The following SLC38A8 variants were observed in gnomAD, a reference collection of about 807,000 sequenced individuals.
The protein encoded by SLC38A8 is solute carrier family 38 member 8, also known as amino acid transporter SLC38A8.
SLC38A8 carries 65 observed loss-of-function variants against 46.0 expected under a neutral mutation model. That is an observed-to-expected ratio of 1.41 (90% CI 1.16 to 1.74). The LOEUF is 1.74. SLC38A8 is among the 40% of genes most tolerant of loss of function. SLC38A8 has a pLI of 0.00. For missense variants in SLC38A8, 998 were observed against 567.9 expected, an observed-to-expected ratio of 1.76 and a Z score of -7.70; for synonymous variants, 447 against 243.7, an observed-to-expected ratio of 1.83 and a Z score of -7.77.
chr16:84,010,828 G>A (rs546462759), intron 10 of SLC38A8, among the ~76,000 whole-genome samples: 31 of 152,242 alleles, frequency 2.0e-4, no homozygotes, highest in African/African-American at 7.5e-4. Flanking sequence ...AGCCTCTGAT[G>A]AAATCCCATG....
At chr16:84,029,783 C>A (rs2085216398) in intron 5 of SLC38A8, among the ~76,000 whole-genome samples, 1 of 152,186 alleles carries the variant, frequency 6.6e-6, no homozygotes, top group South Asian at 2.1e-4. Context: ...TGACATTTTA[C>A]ATGTGGGCAG....
intron 10 of SLC38A8, among the ~76,000 whole-genome samples, chr16:84,010,758 A>T (rs903112709): frequency 6.6e-6 from 1 of 152,164 alleles, no homozygotes; most frequent in Non-Finnish European, 1.5e-5. Flanking sequence ...AGAGAAAAAG[A>T]CATGGAGAGA....
At chr16:84,033,534 TG>T in intron 3 of SLC38A8, 65 bp from the exon 4 acceptor site, 45 of 1,504,402 alleles carry the variant, frequency 3.0e-5, no homozygotes, top group Non-Finnish European at 3.8e-5. Flanking sequence ...GGCTCCCACC[TG>T]GCCCTTCAAC....
chr16:84,012,321 G>C (rs558481646), intron 10 of SLC38A8, among the ~76,000 whole-genome samples: 5 of 152,196 alleles, frequency 3.3e-5, no homozygotes, highest in African/African-American at 9.7e-5. Context: ...CTGCTCAGTG[G>C]CAAAGTACAG....
At chr16:84,017,857 A>T (rs1479665763) in intron 7 of SLC38A8, among the ~76,000 whole-genome samples, 1 of 152,128 alleles carries the variant, frequency 6.6e-6, no homozygotes, top group Admixed American at 6.6e-5. Context: ...GCTTCTCTGC[A>T]AGCCCTTTCT....
chr16:84,034,095 C>A (rs990424585), intron 3 of SLC38A8, among the ~76,000 whole-genome samples: 1 of 152,182 alleles, frequency 6.6e-6, no homozygotes, highest in African/African-American at 2.4e-5. Flanking sequence ...CCCCACAACA[C>A]CTACTGCCTG....
At chr16:84,015,354 G>C (rs930217772) in intron 9 of SLC38A8, among the ~76,000 whole-genome samples, 1 of 152,054 alleles carries the variant, frequency 6.6e-6, no homozygotes, top group Non-Finnish European at 1.5e-5. Flanking sequence ...GTTTGGGAAG[G>C]TTTCCTAAGA....
At chr16:84,013,521 C>T (rs1006757405) in intron 9 of SLC38A8, among the ~76,000 whole-genome samples, 1 of 147,812 alleles carries the variant, frequency 6.8e-6, no homozygotes, top group Non-Finnish European at 1.5e-5. Flanking sequence ...ACCTCCACCT[C>T]CCGGGTTCAA....
At chr16:84,013,390 G>A (rs779844982) in intron 9 of SLC38A8, among the ~76,000 whole-genome samples, 25 of 150,544 alleles carry the variant, frequency 1.7e-4, no homozygotes, top group Non-Finnish European at 2.2e-4. Flanking sequence ...CTCGGCAACT[G>A]GCAGCTACCA....
At chr16:84,012,764 C>T (rs564832832) in intron 10 of SLC38A8, among the ~76,000 whole-genome samples, 15 of 152,318 alleles carry the variant, frequency 9.8e-5, no homozygotes, top group African/African-American at 3.6e-4. Flanking sequence ...AAATCCCAAC[C>T]ACAGACCCTC....
chr16:84,024,528 C>A (rs890532361), intron 6 of SLC38A8, among the ~76,000 whole-genome samples: 3 of 151,694 alleles, frequency 2.0e-5, no homozygotes, highest in Non-Finnish European at 4.4e-5. Flanking sequence ...CGCCTGTAAT[C>A]CCAGCACTTT....
At chr16:84,035,976 T>G (rs1029670110) in intron 3 of SLC38A8, among the ~76,000 whole-genome samples, 5 of 152,228 alleles carry the variant, frequency 3.3e-5, no homozygotes, top group East Asian at 1.9e-4. Context: ...ACCCAGCAAC[T>G]GCAGAGTACA....
chr16:84,031,918 T>A lies in SLC38A8; in HGVS notation c.581A>T (p.Gln194Leu). Residue 194 changes from glutamine (Q) to leucine (L), a missense_variant, in exon 5 of 11, where the codon CAG becomes CTG. Gln to Leu is a moderately radical substitution (Grantham distance 113, BLOSUM62 -2). Transcript: ENST00000299709. The stretch of plus-strand genomic sequence containing the variant: ...GAGGCCCTGGGGCCAGAGGTAGTAC[T>A]GCACGGTGATGACCAGGGCCAGGTA... ...ACYLALVITV[Q>L]YYLWPQGLVR... 6.2e-7 allele frequency: 1 copy of A among 1,614,214 alleles called. No individual in the cohort carries two copies. Among genetic ancestry groups the A allele is most frequent in the Non-Finnish European group, 8.5e-7 (1 of 1,180,036 alleles).
Position 84,013,053 on chromosome 16 carries a change from C to G in SLC38A8, c.1163-1G>C. 6.2e-7 allele frequency: 1 copy of G among 1,613,758 alleles called. No homozygotes were observed. The highest frequency in any genetic ancestry group is 8.5e-7 in the Non-Finnish European group (1 of 1,179,854). On this transcript the variant is annotated splice_acceptor_variant, in intron 9 of 10. Coordinates refer to ENST00000299709, the MANE Select transcript of SLC38A8 (RefSeq NM_001080442.3). LOFTEE classifies it high-confidence loss of function. Reference sequence around the variant, plus strand: ...CCCATTGCACAGATGAGGCACAAACCTGCAAAAAAGACAGGGTCACCCACA... The same window carrying G: ...CCCATTGCACAGATGAGGCACAAACGTGCAAAAAAGACAGGGTCACCCACA...
intron 10 of SLC38A8, among the ~76,000 whole-genome samples, chr16:84,010,916 G>C (rs1276811250): frequency 6.6e-6 from 1 of 152,132 alleles, no homozygotes; most frequent in Non-Finnish European, 1.5e-5. Context: ...GGAGGCAGAG[G>C]TGGCTGGGAC....
chr16:84,034,308 T>A (rs2085278241), intron 3 of SLC38A8, among the ~76,000 whole-genome samples: 1 of 152,162 alleles, frequency 6.6e-6, no homozygotes. Context: ...CACACCTAAT[T>A]CAAAGGCAAG....
At chr16:84,024,224 T>C (rs2085133370) in intron 6 of SLC38A8, among the ~76,000 whole-genome samples, 1 of 152,054 alleles carries the variant, frequency 6.6e-6, no homozygotes, top group Non-Finnish European at 1.5e-5. Context: ...GTGGTTTGGG[T>C]AGGGTGGGTG....
intron 7 of SLC38A8, among the ~76,000 whole-genome samples, chr16:84,019,878 G>A (rs115154557): frequency 1.6e-3 from 238 of 152,380 alleles, no homozygotes; most frequent in African/African-American, 5.6e-3. Context: ...TCAAGCTGGA[G>A]GATCATCTGT....
rs190716045 is a variant in SLC38A8, at chr16:84,026,860, G to A, written c.690+2634C>T. ...AGGCAAATCCAGACAGACAAGAAGT[G>A]CAAGAGCTGCGGGCAGAGGTGGAGA... is the stretch of plus-strand genomic sequence containing the variant. On this transcript the variant is annotated intron_variant, in intron 6 of 10. Coordinates refer to ENST00000299709, the MANE Select transcript of SLC38A8 (RefSeq NM_001080442.3). 1.4e-3 allele frequency among the ~76,000 whole-genome samples: 216 copies of A among 152,288 alleles called. 3 individuals are homozygous for A. The highest frequency in any genetic ancestry group is 4.9e-3 in the African/African-American group (203 of 41,562).
Sources: allele counts gnomAD v4.1 joint callset (sites outside exome capture counted in the v4.1 genomes callset), GRCh38; gene constraint gnomAD v4.1.1; transcripts MANE v1.5; gene names NCBI Gene and HGNC (gene_info 2026-07-23, HGNC 2026-07-21).